RARB: variants seen among roughly 807,000 people sequenced by gnomAD.
The protein encoded by RARB is retinoic acid receptor beta, also known as HBV-activated protein.
A neutral mutation model predicts 51.9 loss-of-function variants in RARB; 17 were observed. That is an observed-to-expected ratio of 0.33 (90% confidence interval 0.22 to 0.49). The LOEUF is 0.49. Ranked by LOEUF, RARB falls within the 20% of genes least tolerant of loss-of-function variation. RARB has a pLI of 0.99. For synonymous variants in RARB, 215 were observed against 195.4 expected (o/e 1.10, Z -0.84); for missense variants, 369 against 550.8 (o/e 0.67, Z 3.30).
chr3:25,358,131 T>C (rs1244190272), intron 5 of RARB, among the ~76,000 whole-genome samples: 1 of 152,200 alleles, frequency 6.6e-6, no homozygotes, highest in Non-Finnish European at 1.5e-5. Context: ...GTTTTTCCAT[T>C]TGTTTGTGTC....
chr3:25,311,662 T>C (rs765113837), intron 5 of RARB, among the ~76,000 whole-genome samples: 5 of 152,232 alleles, frequency 3.3e-5, no homozygotes, highest in Non-Finnish European at 7.3e-5. Flanking sequence ...GTCTTTGCTC[T>C]GTAACAAAAT....
intron 5 of RARB, among the ~76,000 whole-genome samples, chr3:25,283,798 T>C (rs7430212): frequency 0.2 from 29,864 of 152,116 alleles, 3,718 homozygotes; most frequent in South Asian, 0.28. Context: ...CAGACAGGAT[T>C]ACAGACATGT....
chr3:25,294,655 A>T (rs1703875711), intron 5 of RARB, among the ~76,000 whole-genome samples: 1 of 152,204 alleles, frequency 6.6e-6, no homozygotes, highest in Admixed American at 6.5e-5. Context: ...ACTGTGGGAG[A>T]AGCCACCTAA....
At chr3:25,593,095 T>C (rs1427221258) in intron 5 of RARB, among the ~76,000 whole-genome samples, 3 of 152,166 alleles carry the variant, frequency 2.0e-5, no homozygotes, top group Admixed American at 6.5e-5. Flanking sequence ...AAACTTGATA[T>C]ATACTATGCA....
At chr3:25,059,089 A>G (rs2125303130) in intron 2 of RARB, among the ~76,000 whole-genome samples, 1 of 151,784 alleles carries the variant, frequency 6.6e-6, no homozygotes, top group Admixed American at 6.6e-5. Context: ...AACTATACAC[A>G]TTATTTTACA....
chr3:24,893,503 G>A (rs151020807), intron 2 of RARB, among the ~76,000 whole-genome samples: 45 of 152,208 alleles, frequency 3.0e-4, no homozygotes, highest in African/African-American at 1.1e-3. Flanking sequence ...ACATAAAAAT[G>A]CCTGTATATG....
In RARB at chr3:25,596,248, A is replaced by G. The variant is rs142917376; in HGVS notation, c.1151-172A>G. 1.2e-3 allele frequency among the ~76,000 whole-genome samples: 180 copies of G among 152,314 alleles called. 1 individual carries two copies. In the East Asian group the frequency reaches 0.021, roughly 18 times the overall value. On this transcript the variant is annotated intron_variant, in intron 7 of 7. Coordinates refer to ENST00000330688, the MANE Select transcript of RARB (RefSeq NM_000965.5). ...CTTTCTTTGTATTTATGAGTGTGAT[A>G]GTAATCGATAGATCTTTTTCAACAA...
chr3:25,010,842 G>A (rs6550934), intron 2 of RARB, among the ~76,000 whole-genome samples: 85,854 of 151,876 alleles, frequency 0.57, 25,436 homozygotes, highest in African/African-American at 0.76. Flanking sequence ...AAATATTGCC[G>A]TGACTCTTTT....
intron 5 of RARB, among the ~76,000 whole-genome samples, chr3:25,212,415 C>G (rs775739036): frequency 2.6e-5 from 4 of 152,176 alleles, no homozygotes; most frequent in African/African-American, 7.2e-5. Context: ...GTCAGGAGTT[C>G]AAGACCAGCC....
chr3:24,974,208 A>G (rs1156975773), intron 2 of RARB, among the ~76,000 whole-genome samples: 2 of 152,096 alleles, frequency 1.3e-5, no homozygotes, highest in Non-Finnish European at 2.9e-5. Flanking sequence ...TGAAATAATC[A>G]TATGGTTTAT....
At chr3:24,829,395 C>T (rs1019892279) in exon 1 of RARB, among the ~76,000 whole-genome samples, 3 of 152,120 alleles carry the variant, frequency 2.0e-5, no homozygotes, top group Non-Finnish European at 2.9e-5. Flanking sequence ...CAAGGCAGCC[C>T]GCCAAAAGGT....
At chr3:25,260,956 C>G (rs1281638090) in intron 5 of RARB, among the ~76,000 whole-genome samples, 2 of 152,000 alleles carry the variant, frequency 1.3e-5, no homozygotes, top group African/African-American at 4.8e-5. Context: ...GAATGTTGGC[C>G]CTAATACTCA....
chr3:25,196,478 C>A (rs1701239946), intron 5 of RARB, among the ~76,000 whole-genome samples: 2 of 152,132 alleles, frequency 1.3e-5, no homozygotes, highest in South Asian at 4.1e-4. Flanking sequence ...CATTGATGGA[C>A]ATTTGGGTTG....
intron 2 of RARB, among the ~76,000 whole-genome samples, chr3:24,914,722 C>T (rs943764134): frequency 2.0e-5 from 3 of 152,110 alleles, no homozygotes; most frequent in East Asian, 3.9e-4. Flanking sequence ...TGTGTGTGTT[C>T]AGTACAGGTA....
intron 2 of RARB, among the ~76,000 whole-genome samples, chr3:24,860,967 G>A (rs1028104498): frequency 1.3e-5 from 2 of 152,116 alleles, no homozygotes; most frequent in Non-Finnish European, 2.9e-5. Flanking sequence ...TATATTTTGT[G>A]AAACTCACAC....
intron 2 of RARB, among the ~76,000 whole-genome samples, chr3:25,057,824 G>A (rs551297997): frequency 9.9e-5 from 15 of 151,682 alleles, no homozygotes; most frequent in Middle Eastern, 3.4e-3. Flanking sequence ...TTTTACCATC[G>A]AAAATGTATT....
At chr3:25,089,630 C>A (rs890929006) in intron 3 of RARB, among the ~76,000 whole-genome samples, 1 of 152,032 alleles carries the variant, frequency 6.6e-6, no homozygotes, top group Admixed American at 6.6e-5. Flanking sequence ...TTTTTTCATG[C>A]GCCTATTGAT....
At chr3:25,233,283 A>C (rs994052073) in intron 5 of RARB, among the ~76,000 whole-genome samples, 2 of 152,014 alleles carry the variant, frequency 1.3e-5, no homozygotes, top group Non-Finnish European at 2.9e-5. Context: ...TAACTTGATG[A>C]TATTTTGAAC....
intron 3 of RARB, among the ~76,000 whole-genome samples, chr3:25,110,984 G>C (rs925666590): frequency 6.6e-6 from 1 of 152,194 alleles, no homozygotes; most frequent in African/African-American, 2.4e-5. Context: ...TGAGTTTGAC[G>C]GAAAGAAGAA....
Sources: gnomAD v4.1 joint callset for allele counts (sites outside exome capture counted in the v4.1 genomes callset) on GRCh38, gnomAD v4.1.1 for gene constraint, MANE v1.5 for transcripts, NCBI Gene and HGNC (gene_info 2026-07-23, HGNC 2026-07-21) for gene names.